ABCC1: variants seen among roughly 807,000 people sequenced by gnomAD.
ABCC1 encodes the protein ATP binding cassette subfamily C member 1 (ABCC1 blood group), also known as multidrug resistance-associated protein 1.
In ABCC1, 83 loss-of-function variants were observed where a neutral mutation model predicts 172.9. The ratio of observed to expected loss-of-function variants is 0.48; its 90% CI spans 0.40 to 0.58. The LOEUF (loss-of-function observed/expected upper bound fraction) is 0.58. ABCC1 is among the 20% of genes least tolerant of loss of function. The pLI is 0.00. For synonymous variants in ABCC1, 937 were observed against 825.2 expected, an observed-to-expected ratio of 1.14 and a Z score of -2.32; for missense variants, 1,817 against 2,002.7, an observed-to-expected ratio of 0.91 and a Z score of 1.77.
intron 5 of ABCC1, among the ~76,000 whole-genome samples, chr16:16,031,007 C>T (rs1340346216): frequency 6.6e-6 from 1 of 152,064 alleles, no homozygotes; most frequent in Non-Finnish European, 1.5e-5. Context: ...ACCACCACAT[C>T]CAGCTAATTT....
At chr16:16,127,805 G>T (rs1194614783) in intron 26 of ABCC1, among the ~76,000 whole-genome samples, 2 of 152,198 alleles carry the variant, frequency 1.3e-5, no homozygotes, top group Non-Finnish European at 2.9e-5. Flanking sequence ...CATGTCACGG[G>T]TGAGCATTGT....
At chr16:16,060,532 G>GT (rs200991814) in intron 12 of ABCC1, among the ~76,000 whole-genome samples, 406 of 151,316 alleles carry the variant, frequency 2.7e-3, no homozygotes, top group African/African-American at 8.9e-3. Context: ...CTCTTTTTTT[G>GT]TTTTTTTTGG....
intron 23 of ABCC1, among the ~76,000 whole-genome samples, chr16:16,117,607 CA>C (rs1210878945): frequency 1.3e-5 from 2 of 152,114 alleles, no homozygotes; most frequent in Admixed American, 6.6e-5. Flanking sequence ...CACTTCCCAG[CA>C]AAAACTTTCA....
Position 16,044,687 on chromosome 16 carries a change from C to G in ABCC1, c.1040+7C>G, listed in dbSNP as rs774156560. On this transcript the variant is annotated splice_region_variant and intron_variant, in intron 8 of 30. Coordinates refer to ENST00000399410, the MANE Select transcript of ABCC1 (RefSeq NM_004996.4). ...CCGGGCCGCAGATCTTAAAGTAAGA[C>G]CCCTTCCCTCCCAGGTGGGCTCCAT... 2.7e-5 allele frequency: 43 copies of G among 1,610,926 alleles called. No individual in the cohort carries two copies. In the Admixed American group the frequency reaches 6.8e-4, roughly 26 times the overall value.
intron 1 of ABCC1, among the ~76,000 whole-genome samples, chr16:15,992,142 C>T (rs185236640): frequency 1.3e-5 from 2 of 151,982 alleles, no homozygotes; most frequent in African/African-American, 4.8e-5. Context: ...CTGTGTGCTT[C>T]TTTTGAGAAT....
rs181557184 is a variant in ABCC1, at chr16:15,990,003, A to G, written c.49-17813A>G. ...GCGATCTTACCACCTCAGCCTCCCA[A>G]GTAGGTGGGATTACAGGTGTGAGCC... On this transcript the variant is annotated intron_variant, in intron 1 of 30. Transcript: ENST00000399410. Among the ~76,000 whole-genome samples the G allele has an allele frequency of 9.5e-4, 144 of 152,002 alleles. No individual in the cohort carries two copies. In the Middle Eastern group the frequency reaches 0.014, roughly 14 times the overall value.
At chr16:16,031,501 T>C (rs80354621) in intron 5 of ABCC1, among the ~76,000 whole-genome samples, 2,312 of 152,298 alleles carry the variant, frequency 0.015, 28 homozygotes, top group Non-Finnish European at 0.025. Context: ...AATCTCTCAG[T>C]ACTTCCCATT....
chr16:16,134,590 T>G, intron 28 of ABCC1, 82 bp downstream of exon 28: 1 of 1,495,704 alleles, frequency 6.7e-7, no homozygotes, highest in South Asian at 1.2e-5. Flanking sequence ...TGTATATTTT[T>G]GGGGCAAACA....
intron 1 of ABCC1, among the ~76,000 whole-genome samples, chr16:16,000,839 G>C (rs1423022852): frequency 6.6e-6 from 1 of 152,186 alleles, no homozygotes; most frequent in African/African-American, 2.4e-5. Context: ...GTTGGGGGCA[G>C]GTTGTTTGGG....
chr16:15,963,378 G>A (rs1315850972), intron 1 of ABCC1, among the ~76,000 whole-genome samples: 6 of 152,206 alleles, frequency 3.9e-5, no homozygotes. Context: ...GTTCTGGATG[G>A]TGGCCCTTTT....
intron 1 of ABCC1, among the ~76,000 whole-genome samples, chr16:16,001,985 T>G (rs12926865): frequency 0.47 from 70,692 of 151,658 alleles, 18,727 homozygotes; most frequent in Non-Finnish European, 0.61. Context: ...CCCAAAATGC[T>G]GGAGTTACAG....
chr16:16,091,580 T>C (rs914244485), intron 19 of ABCC1, among the ~76,000 whole-genome samples: 1 of 151,986 alleles, frequency 6.6e-6, no homozygotes, highest in African/African-American at 2.4e-5. Flanking sequence ...GGAGAAGATC[T>C]GGGAAGTGTT....
chr16:15,975,193 A>G (rs1032066685), intron 1 of ABCC1, among the ~76,000 whole-genome samples: 5 of 152,178 alleles, frequency 3.3e-5, no homozygotes, highest in African/African-American at 1.2e-4. Flanking sequence ...CCAAGAATGT[A>G]AGCCCCATGG....
intron 1 of ABCC1, among the ~76,000 whole-genome samples, chr16:15,977,543 C>T (rs931287101): frequency 6.6e-6 from 1 of 152,148 alleles, no homozygotes; most frequent in East Asian, 1.9e-4. Context: ...GCTTATACCC[C>T]CTAAGCTTGT....
intron 19 of ABCC1, among the ~76,000 whole-genome samples, chr16:16,101,844 G>A (rs1412412378): frequency 1.3e-5 from 2 of 152,148 alleles, no homozygotes. Context: ...GTTGATGCTG[G>A]GTGGATTCTT....
chr16:16,016,992 C>T (rs571657048), intron 5 of ABCC1, among the ~76,000 whole-genome samples: 1 of 151,618 alleles, frequency 6.6e-6, no homozygotes, highest in South Asian at 2.1e-4. Context: ...TATAATCCTA[C>T]AGGGCAGAGC....
At chr16:15,972,598 G>T (rs2046394611) in intron 1 of ABCC1, among the ~76,000 whole-genome samples, 1 of 151,980 alleles carries the variant, frequency 6.6e-6, no homozygotes, top group Non-Finnish European at 1.5e-5. Flanking sequence ...TTCTTCAAAG[G>T]CTCTTCTGTC....
chr16:16,073,421 C>T (rs1276447649), intron 14 of ABCC1, among the ~76,000 whole-genome samples: 1 of 152,160 alleles, frequency 6.6e-6, no homozygotes, highest in Non-Finnish European at 1.5e-5. Flanking sequence ...CCCATCACAG[C>T]CCTCTGAAGT....
chr16:16,108,273 C>CTTTTTTTTTT (rs79826916), intron 21 of ABCC1, among the ~76,000 whole-genome samples: 6 of 106,314 alleles, frequency 5.6e-5, no homozygotes, highest in Non-Finnish European at 1.2e-4. Context: ...TTCTTTGTGT[C>CTTTTTTTTTT]TTTTTTTTTT....
Sources: gnomAD v4.1 joint callset for allele counts (sites outside exome capture counted in the v4.1 genomes callset) on GRCh38, gnomAD v4.1.1 for gene constraint, MANE v1.5 for transcripts, NCBI Gene and HGNC (gene_info 2026-07-23, HGNC 2026-07-21) for gene names.